Variants in PEBP4 observed in about 807,000 individuals in gnomAD.
PEBP4 encodes phosphatidylethanolamine binding protein 4.
PEBP4 carries 22 observed loss-of-function variants against 23.9 expected under a neutral mutation model. That is an observed-to-expected ratio of 0.92 (90% CI 0.66 to 1.31). The LOEUF (loss-of-function observed/expected upper bound fraction) is 1.31, where lower values mean the gene tolerates loss of function less well. Among genes scored for constraint, PEBP4 ranks in the 40% most tolerant of loss-of-function variants. PEBP4 has a pLI of 0.00. For missense variants in PEBP4, 324 were observed against 281.7 expected, an observed-to-expected ratio of 1.15 and a Z score of -1.07; for synonymous variants, 112 against 99.3, an observed-to-expected ratio of 1.13 and a Z score of -0.76.
chr8:22,895,091 G>A (rs1217004625), intron 3 of PEBP4, among the ~76,000 whole-genome samples: 1 of 152,152 alleles, frequency 6.6e-6, no homozygotes, highest in Non-Finnish European at 1.5e-5. Flanking sequence ...GCAGAAATCT[G>A]AGAAATGTAT....
At chr8:22,779,309 A>G (rs13257751) in intron 4 of PEBP4, among the ~76,000 whole-genome samples, 30,549 of 152,056 alleles carry the variant, frequency 0.2, 3,182 homozygotes, top group East Asian at 0.31. Context: ...CAACCCTAAG[A>G]CGGCTGTTAT....
In PEBP4 at chr8:22,901,910, A is replaced by G. The variant is rs1808719573; in HGVS notation, c.258+18274T>C. On this transcript the variant is annotated intron_variant, in intron 3 of 6. Coordinates refer to ENST00000256404, the MANE Select transcript of PEBP4 (RefSeq NM_144962.3). ...AAGACTGCCATTACAAATGATTCAAATAAGAAGTTTGAGTACATGAATGAG... is the reference window on the plus strand; with the variant it reads ...AAGACTGCCATTACAAATGATTCAAGTAAGAAGTTTGAGTACATGAATGAG... 2.6e-5 allele frequency among the ~76,000 whole-genome samples: 4 copies of G among 152,212 alleles called. No homozygotes were observed. The South Asian group carries it at 8.3e-4, about 32-fold the overall frequency.
At chr8:22,839,885 G>A (rs1024589374) in intron 3 of PEBP4, among the ~76,000 whole-genome samples, 7 of 152,184 alleles carry the variant, frequency 4.6e-5, no homozygotes, top group Non-Finnish European at 7.3e-5. Context: ...TGAGGAGGGA[G>A]GCAATGTTGA....
At chr8:22,912,806 C>A (rs1373310910) in intron 3 of PEBP4, among the ~76,000 whole-genome samples, 1 of 152,222 alleles carries the variant, frequency 6.6e-6, no homozygotes, top group East Asian at 1.9e-4. Context: ...GAGTGGGACA[C>A]AGCTGAGTGA....
chr8:22,928,659 C>A (rs1000549300), upstream of PEBP4, among the ~76,000 whole-genome samples: 1 of 152,062 alleles, frequency 6.6e-6, no homozygotes, highest in Non-Finnish European at 1.5e-5. Flanking sequence ...AATAGCTCTG[C>A]TCTCTGCTTC....
At chr8:22,807,985 C>T (rs1305135698) in intron 4 of PEBP4, among the ~76,000 whole-genome samples, 1 of 151,824 alleles carries the variant, frequency 6.6e-6, no homozygotes, top group Admixed American at 6.6e-5. Context: ...ACTCACCTAA[C>T]CAATGTCTAT....
chr8:22,889,659 G>A (rs1313968164), intron 3 of PEBP4, among the ~76,000 whole-genome samples: 4 of 151,092 alleles, frequency 2.6e-5, no homozygotes, highest in African/African-American at 9.7e-5. Context: ...AGCATCTACC[G>A]TATGTTTTTA....
chr8:22,809,552 A>G (rs939395530), intron 4 of PEBP4, among the ~76,000 whole-genome samples: 1 of 152,050 alleles, frequency 6.6e-6, no homozygotes, highest in Non-Finnish European at 1.5e-5. Context: ...TTGGGCTCCA[A>G]TCTCAGGCCG....
intron 5 of PEBP4, among the ~76,000 whole-genome samples, chr8:22,725,905 C>A (rs144744288): frequency 1.4e-3 from 209 of 152,316 alleles, no homozygotes; most frequent in African/African-American, 4.7e-3. Flanking sequence ...CCTCACTGTG[C>A]ACTTCCGGCC....
At chr8:22,855,766 C>A (rs1807633174) in intron 3 of PEBP4, among the ~76,000 whole-genome samples, 2 of 152,080 alleles carry the variant, frequency 1.3e-5, no homozygotes, top group African/African-American at 4.8e-5. Flanking sequence ...AGCAGCCAGG[C>A]ATGATAGCTC....
chr8:22,910,509 A>T (rs1341787398), intron 3 of PEBP4, among the ~76,000 whole-genome samples: 3 of 152,242 alleles, frequency 2.0e-5, no homozygotes, highest in Non-Finnish European at 4.4e-5. Flanking sequence ...AGAGGTAGGC[A>T]GTTCTCCATC....
chr8:22,727,237 G>A lies in PEBP4; in HGVS notation c.358-17C>T. 3 of 1,612,890 alleles carry A rather than the reference G, an allele frequency of 1.9e-6. No homozygotes were observed. The highest frequency in any genetic ancestry group is 2.5e-6 in the Non-Finnish European group (3 of 1,179,650). On this transcript the variant is annotated splice_polypyrimidine_tract_variant and intron_variant, in intron 4 of 6. Coordinates refer to ENST00000256404, the MANE Select transcript of PEBP4 (RefSeq NM_144962.3). ...GTCGGCGCCCTGAAAGAAGAGACAAGCAGGGCTGTAGGTTATGTCTTGGGC... is the reference window on the plus strand; with the variant it reads ...GTCGGCGCCCTGAAAGAAGAGACAAACAGGGCTGTAGGTTATGTCTTGGGC...
intron 4 of PEBP4, among the ~76,000 whole-genome samples, chr8:22,803,591 G>A (rs1806434275): frequency 6.6e-6 from 1 of 152,282 alleles, no homozygotes; most frequent in South Asian, 2.1e-4. Flanking sequence ...TTGAACCCGG[G>A]AGGCAGGGGT....
In PEBP4 at chr8:22,737,959, G is replaced by A. The variant is rs181412028; in HGVS notation, c.358-10739C>T. Among the ~76,000 whole-genome samples, 11 of 152,258 alleles carry A rather than the reference G, an allele frequency of 7.2e-5. No homozygotes were observed. The East Asian group carries it at 1.5e-3, about 21-fold the overall frequency. On this transcript the variant is annotated intron_variant, in intron 4 of 6. Coordinates refer to ENST00000256404, the MANE Select transcript of PEBP4 (RefSeq NM_144962.3). ...CGGTGGTTGCCGGGGAGTAGACGGC[G>A]TAGGGGCTGAGGATGGGGATGCTGC...
At chr8:22,714,226 G>A (rs1048588101) in intron 6 of PEBP4, among the ~76,000 whole-genome samples, 1 of 152,274 alleles carries the variant, frequency 6.6e-6, no homozygotes, top group South Asian at 2.1e-4. Flanking sequence ...ACAGGGAGGC[G>A]CATCTTCTGG....
At chr8:22,894,028 C>T (rs921075464) in intron 3 of PEBP4, among the ~76,000 whole-genome samples, 1 of 152,100 alleles carries the variant, frequency 6.6e-6, no homozygotes, top group Non-Finnish European at 1.5e-5. Context: ...TTGCTTAAAA[C>T]CAGTGAAGAT....
chr8:22,932,268 T>G (rs1302074538), upstream of PEBP4, among the ~76,000 whole-genome samples: 2 of 151,292 alleles, frequency 1.3e-5, no homozygotes, highest in African/African-American at 4.9e-5. Context: ...ATGAGAGGTA[T>G]GGGGATGATA....
At chr8:22,835,502 A>G (rs1807184424) in intron 3 of PEBP4, among the ~76,000 whole-genome samples, 1 of 152,214 alleles carries the variant, frequency 6.6e-6, no homozygotes, top group Non-Finnish European at 1.5e-5. Flanking sequence ...AGCATCTCAC[A>G]GGCAGCCCTC....
At chr8:22,781,048 T>C (rs1443285595) in intron 4 of PEBP4, among the ~76,000 whole-genome samples, 1 of 152,214 alleles carries the variant, frequency 6.6e-6, no homozygotes, top group Middle Eastern at 3.2e-3. Flanking sequence ...GGTTCAGATC[T>C]GAAACTCTTT....
Sources: allele counts gnomAD v4.1 joint callset (sites outside exome capture counted in the v4.1 genomes callset), GRCh38; gene constraint gnomAD v4.1.1; transcripts MANE v1.5; gene names NCBI Gene and HGNC (gene_info 2026-07-23, HGNC 2026-07-21).